Variants in CSMD2 observed in about 807,000 individuals in gnomAD.
CSMD2 encodes CUB and Sushi multiple domains 2, also known as CUB and sushi domain-containing protein 2.
In CSMD2, 130 loss-of-function variants were observed where a neutral mutation model predicts 398.5. That is an observed-to-expected ratio of 0.33 (90% confidence interval 0.28 to 0.38). CSMD2 has a LOEUF of 0.38. CSMD2 is among the 10% of genes least tolerant of loss of function. The probability of loss-of-function intolerance (pLI) is 1.00; values close to 1 mark genes in which losing one functional copy is unlikely to be tolerated. For missense variants in CSMD2, 3,829 were observed against 4,764.9 expected (o/e 0.80, Z 5.78); for synonymous variants, 1,828 against 1,908.5 (o/e 0.96, Z 1.10).
In CSMD2 at chr1:33,533,450, A is replaced by G. The variant is rs529917533; in HGVS notation, c.9992-221T>C. Among the ~76,000 whole-genome samples, 164 of 152,160 alleles carry G rather than the reference A, an allele frequency of 1.1e-3. No homozygotes were observed. The highest frequency in any genetic ancestry group is 3.7e-3 in the African/African-American group (155 of 41,502). ...GTGGATATCGGCTTGGTTGACTCTG[A>G]GTTGGGGGAACTTAAGCCTGCAGCA... is the stretch of plus-strand genomic sequence containing the variant. On this transcript the variant is annotated intron_variant, in intron 63 of 70. Coordinates refer to ENST00000373381, the MANE Select transcript of CSMD2 (RefSeq NM_001281956.2). This position sits in a 1 kb window ranked among gnomAD's most constrained non-coding sequence, Gnocchi z 4.2.
At chr1:33,917,976 T>C (rs1047862891) in intron 5 of CSMD2, 118 bp downstream of exon 5, 1 of 789,412 alleles carries the variant, frequency 1.3e-6, no homozygotes, top group East Asian at 2.5e-5. Flanking sequence ...ACAGTAGGTA[T>C]AAGGAAGTGG....
intron 4 of CSMD2, among the ~76,000 whole-genome samples, chr1:33,934,011 C>T (rs895015378): frequency 6.6e-6 from 1 of 152,092 alleles, no homozygotes; most frequent in African/African-American, 2.4e-5. Flanking sequence ...TTATGTCTGC[C>T]ATGGGATTGG....
At chr1:33,805,493 T>TGACA (rs1656117864) in intron 10 of CSMD2, among the ~76,000 whole-genome samples, 1 of 152,176 alleles carries the variant, frequency 6.6e-6, no homozygotes, top group African/African-American at 2.4e-5. Flanking sequence ...AATTTTAAAA[T>TGACA]GACAAAATAA....
At position 33,819,143 on chromosome 1, in the gene CSMD2, AT is replaced by A. The variant is rs201501654; in HGVS notation, c.1324+569del. Among the ~76,000 whole-genome samples, 983 of 152,214 alleles carry A rather than the reference AT, an allele frequency of 6.5e-3. 10 individuals are homozygous for A. Among genetic ancestry groups the A allele is most frequent in the African/African-American group, 0.022 (922 of 41,530 alleles). The stretch of plus-strand genomic sequence containing the variant: ...CACTTGGCTCTGTTATTTTAAGATT[AT>A]TTGGGGGGTAGGGGCTAGGCCAGCC... On this transcript the variant is annotated intron_variant, in intron 9 of 70. Transcript: ENST00000373381.
At chr1:33,841,392 A>G (rs1285792008) in intron 6 of CSMD2, among the ~76,000 whole-genome samples, 1 of 152,202 alleles carries the variant, frequency 6.6e-6, no homozygotes, top group African/African-American at 2.4e-5. Flanking sequence ...AGTGCCAGGT[A>G]TTTTATACTG....
Position 33,567,717 on chromosome 1 carries a change from C to T in CSMD2, c.8256G>A (p.Gly2752=), listed in dbSNP as rs150820590. 2.3e-5 allele frequency: 37 copies of T among 1,614,012 alleles called. No homozygotes were observed. Among genetic ancestry groups the T allele is most frequent in the Non-Finnish European group, 3.1e-5 (36 of 1,180,020 alleles). The stretch of plus-strand genomic sequence containing the variant: ...CACTGCCCCGGTAGCTGTAGTTCTC[C>T]CCATTGATGTGTCCGTTGACAATGG... ...PEPIVNGHIN[G]ENYSYRGSVV... Residue 2752 remains glycine, a synonymous_variant, in exon 53 of 71, where the codon GGG becomes GGA. Transcript: ENST00000373381.
chr1:33,716,576 A>G, intron 19 of CSMD2, 75 bp from the exon 20 acceptor site: 1 of 1,061,492 alleles, frequency 9.4e-7, no homozygotes, highest in Non-Finnish European at 1.4e-6. Context: ...CAGGATCTAC[A>G]CAAACATTTC....
intron 15 of CSMD2, among the ~76,000 whole-genome samples, chr1:33,735,895 CA>C (rs1646870035): frequency 6.6e-6 from 1 of 152,178 alleles, no homozygotes; most frequent in Non-Finnish European, 1.5e-5. Flanking sequence ...AAGGCTCAGA[CA>C]AAAGGAGGGA....
chr1:33,616,986 C>T lies in CSMD2; in HGVS notation c.5947-11G>A. 6.2e-7 allele frequency: 1 copy of T among 1,613,236 alleles called. No homozygotes were observed. Among genetic ancestry groups the T allele is most frequent in the Non-Finnish European group, 8.5e-7 (1 of 1,179,260 alleles). ...GATGTGGGCGTGGCCCTGGAGGAAT[C>T]AGGAACAGGGATGGGCTAGCTGTCC... On this transcript the variant is annotated splice_polypyrimidine_tract_variant and intron_variant, in intron 38 of 70. Coordinates refer to ENST00000373381, the MANE Select transcript of CSMD2 (RefSeq NM_001281956.2).
Position 33,543,046 on chromosome 1 carries a change from C to T in CSMD2, c.9101-150G>A, listed in dbSNP as rs145695336. 3.3e-3 allele frequency: 1,944 copies of T among 598,132 alleles called. 37 individuals are homozygous for T. In the East Asian group the frequency reaches 0.035, roughly 11 times the overall value. 37.1% of individuals were successfully genotyped at this position (598,132 alleles called of 1,614,324 possible). A position where few individuals can be genotyped will look rare whatever the true frequency, so the allele number is the denominator to read the frequency against. On this transcript the variant is annotated intron_variant, in intron 57 of 70. Transcript: ENST00000373381. ...GCTGCTTTTGTATCGAATTATCTTGCCCCTAGACAGGAAGGAGAGACCCCT... is the reference window on the plus strand; with the variant it reads ...GCTGCTTTTGTATCGAATTATCTTGTCCCTAGACAGGAAGGAGAGACCCCT...
rs114201678 is a variant in CSMD2 at position 33,717,686 on chromosome 1, T to C, written c.3002-1185A>G. Among the ~76,000 whole-genome samples, 390 of 151,624 alleles carry C rather than the reference T, an allele frequency of 2.6e-3. 1 individual carries two copies. Among genetic ancestry groups the C allele is most frequent in the African/African-American group, 8.7e-3 (360 of 41,352 alleles). On this transcript the variant is annotated intron_variant, in intron 19 of 70. Coordinates refer to ENST00000373381, the MANE Select transcript of CSMD2 (RefSeq NM_001281956.2). Reference sequence around the variant, plus strand: ...ATTTGAGTCACCAGCAAATAGTTGATATCTGAAGCCACAAGCAAGGAGAAG... The same window carrying C: ...ATTTGAGTCACCAGCAAATAGTTGACATCTGAAGCCACAAGCAAGGAGAAG...
intron 15 of CSMD2, among the ~76,000 whole-genome samples, chr1:33,733,734 C>A (rs758107566): frequency 6.6e-6 from 1 of 152,140 alleles, no homozygotes; most frequent in Non-Finnish European, 1.5e-5. Context: ...GTCCTGACGC[C>A]CTGTGAAGAA....
intron 32 of CSMD2, among the ~76,000 whole-genome samples, chr1:33,628,865 A>C (rs1374930921): frequency 1.3e-5 from 2 of 152,146 alleles, no homozygotes; most frequent in East Asian, 3.9e-4. Flanking sequence ...GTTACTTACA[A>C]GGACAAAGAA....
chr1:34,002,568 T>A (rs777168899), intron 3 of CSMD2, among the ~76,000 whole-genome samples: 2 of 152,228 alleles, frequency 1.3e-5, no homozygotes, highest in Admixed American at 6.5e-5. Context: ...AAGTGCTTAA[T>A]CAATGTTAAT....
At chr1:34,162,215 C>G (rs1641403020) in intron 1 of CSMD2, among the ~76,000 whole-genome samples, 1 of 130,224 alleles carries the variant, frequency 7.7e-6, no homozygotes, top group Admixed American at 8.0e-5. Flanking sequence ...TTGATAGGGA[C>G]AGCAGGTAAT....
At chr1:33,781,111 C>T (rs1306303302) in intron 12 of CSMD2, among the ~76,000 whole-genome samples, 1 of 152,172 alleles carries the variant, frequency 6.6e-6, no homozygotes, top group Non-Finnish European at 1.5e-5. Flanking sequence ...GGGGATGTGG[C>T]ACTGCCTGCA....
chr1:33,913,317 C>T (rs1438623963), intron 5 of CSMD2, among the ~76,000 whole-genome samples: 1 of 152,196 alleles, frequency 6.6e-6, no homozygotes, highest in African/African-American at 2.4e-5. Context: ...AGTTTCCAGG[C>T]AATTCCCCTT....
At chr1:34,152,464 C>T (rs147748784) in intron 1 of CSMD2, among the ~76,000 whole-genome samples, 1 of 152,308 alleles carries the variant, frequency 6.6e-6, no homozygotes, top group African/African-American at 2.4e-5. Context: ...CATCCCCCTT[C>T]TCCAAATCCT....
intron 33 of CSMD2, among the ~76,000 whole-genome samples, chr1:33,625,841 C>T (rs954475746): frequency 3.9e-5 from 6 of 152,192 alleles, no homozygotes; most frequent in African/African-American, 1.4e-4. Context: ...TGGATGTTCT[C>T]CTGGGCAAGC....
Sources: gnomAD v4.1 joint callset for allele counts (sites outside exome capture counted in the v4.1 genomes callset) on GRCh38, gnomAD v4.1.1 for gene constraint, Gnocchi (gnomAD v3.1) non-coding constraint, MANE v1.5 for transcripts, NCBI Gene and HGNC (gene_info 2026-07-23, HGNC 2026-07-21) for gene names.